The following SOX5 variants were observed in gnomAD, a reference collection of about 807,000 sequenced individuals.
SOX5 encodes SRY-box transcription factor 5.
A neutral mutation model predicts 92.0 loss-of-function variants in SOX5; 9 were observed. That is an observed-to-expected ratio of 0.10 (90% CI 0.06 to 0.17). The LOEUF is 0.17. SOX5 is among the 10% of genes least tolerant of loss of function. The probability of loss-of-function intolerance (pLI) is 1.00; values close to 1 mark genes in which losing one functional copy is unlikely to be tolerated. For synonymous variants in SOX5, 344 were observed against 336.3 expected (o/e 1.02, Z -0.25); for missense variants, 642 against 944.5 (o/e 0.68, Z 4.20).
intron 3 of SOX5, among the ~76,000 whole-genome samples, chr12:24,246,870 A>G (rs1193322904): frequency 2.6e-5 from 4 of 152,202 alleles, no homozygotes; most frequent in Admixed American, 2.0e-4. Flanking sequence ...ATAAAAAGAC[A>G]AGAGGTAAAT....
intron 2 of SOX5, among the ~76,000 whole-genome samples, chr12:24,315,649 GA>G (rs1233854225): frequency 4.7e-5 from 7 of 149,968 alleles, no homozygotes; most frequent in Non-Finnish European, 7.4e-5. Flanking sequence ...TCAAGAGTAA[GA>G]AAAAAAAATC....
At chr12:23,549,228 A>G (rs764810970) in intron 11 of SOX5, among the ~76,000 whole-genome samples, 1 of 152,056 alleles carries the variant, frequency 6.6e-6, no homozygotes, top group Non-Finnish European at 1.5e-5. Flanking sequence ...TCAGGTAAGC[A>G]GAGGGTTAAG....
intron 4 of SOX5, among the ~76,000 whole-genome samples, chr12:23,985,221 G>T (rs1248939325): frequency 6.8e-6 from 1 of 146,524 alleles, no homozygotes; most frequent in East Asian, 2.0e-4. Context: ...GGTTTTTATT[G>T]TATTTTTTTA....
chr12:24,417,468 A>G (rs1471820504), intron 1 of SOX5, among the ~76,000 whole-genome samples: 1 of 152,238 alleles, frequency 6.6e-6, no homozygotes, highest in Non-Finnish European at 1.5e-5. Context: ...AGATGATACC[A>G]TGAAAGATGG....
At chr12:23,974,106 A>C (rs1252080722) in intron 4 of SOX5, among the ~76,000 whole-genome samples, 1 of 152,200 alleles carries the variant, frequency 6.6e-6, no homozygotes, top group Non-Finnish European at 1.5e-5. Flanking sequence ...ACTAATAATA[A>C]AATAGAAAAA....
In SOX5 at chr12:24,435,020, CA is replaced by C. The variant is rs201912328; in HGVS notation, c.-250-66382del. On this transcript the variant is annotated intron_variant, in intron 1 of 4. Coordinates refer to the SOX5 transcript ENST00000446891. ...GAATGCCCTTTCCTTTTGGAGACTA[CA>C]TTGCAGATACTTTGACTGAAAACAA... is the stretch of plus-strand genomic sequence containing the variant. 4.6e-3 allele frequency among the ~76,000 whole-genome samples: 704 copies of C among 152,340 alleles called. 5 individuals carry two copies. The highest frequency in any genetic ancestry group is 0.017 in the African/African-American group (688 of 41,578).
chr12:23,581,141 A>G (rs182747499), intron 9 of SOX5, among the ~76,000 whole-genome samples: 2 of 152,148 alleles, frequency 1.3e-5, no homozygotes, highest in East Asian at 3.9e-4. Flanking sequence ...ATTCTTAGCA[A>G]TCCTGGGGTG....
chr12:24,387,011 G>GCAT lies in SOX5; in HGVS notation c.-250-18375_-250-18373dup, dbSNP rs144256252. 7.0e-3 allele frequency among the ~76,000 whole-genome samples: 1,070 copies of GCAT among 152,314 alleles called. 16 individuals carry two copies. The highest frequency in any genetic ancestry group is 0.024 in the African/African-American group (1,004 of 41,560). ...GGACATTGTCCACATTTGTAAATGA[G>GCAT]CATCTTCGTTTCTGTATTTTGGCAC... On this transcript the variant is annotated intron_variant, in intron 1 of 4. Coordinates refer to the SOX5 transcript ENST00000446891.
chr12:24,448,995 G>A (rs1173552330), intron 1 of SOX5, among the ~76,000 whole-genome samples: 4 of 151,876 alleles, frequency 2.6e-5, no homozygotes, highest in Admixed American at 6.6e-5. Context: ...GCTACACCCC[G>A]CTTCCATTTC....
intron 4 of SOX5, chr12:24,212,380 A>T (rs1279171689): frequency 3.8e-6 from 2 of 532,544 alleles, no homozygotes; most frequent in African/African-American, 3.9e-5. Flanking sequence ...AAGGACAAAG[A>T]CATTTATCTC....
intron 6 of SOX5, among the ~76,000 whole-genome samples, chr12:23,734,008 T>C (rs970248999): frequency 2.0e-5 from 3 of 152,178 alleles, no homozygotes; most frequent in Admixed American, 6.5e-5. Context: ...AGAAAGTAAA[T>C]TGTCAGAAGG....
intron 2 of SOX5, among the ~76,000 whole-genome samples, chr12:23,850,730 T>A (rs1426762414): frequency 6.6e-6 from 1 of 152,134 alleles, no homozygotes; most frequent in African/African-American, 2.4e-5. Context: ...ATTAAAATAA[T>A]TTTTCATAAA....
intron 8 of SOX5, among the ~76,000 whole-genome samples, chr12:23,619,653 G>A (rs1052349507): frequency 2.6e-5 from 4 of 152,126 alleles, no homozygotes; most frequent in Non-Finnish European, 4.4e-5. Flanking sequence ...GATAAAAAGC[G>A]ATAGTATTGG....
intron 2 of SOX5, among the ~76,000 whole-genome samples, chr12:24,296,930 GACACACACACACAC>G (rs34848004): frequency 1.4e-5 from 2 of 148,090 alleles, no homozygotes; most frequent in African/African-American, 2.5e-5. Context: ...TAGACAGACA[GACACACACACACAC>G]ACACACACAC....
At chr12:24,412,795 T>TTTTTG (rs1964345730) in intron 1 of SOX5, among the ~76,000 whole-genome samples, 1 of 150,976 alleles carries the variant, frequency 6.6e-6, no homozygotes, top group Non-Finnish European at 1.5e-5. Flanking sequence ...TTTTTTTTTT[T>TTTTTG]TTGAGAGGGA....
intron 1 of SOX5, among the ~76,000 whole-genome samples, chr12:24,381,476 A>G (rs1161254690): frequency 6.6e-6 from 1 of 152,210 alleles, no homozygotes; most frequent in Non-Finnish European, 1.5e-5. Context: ...GTGTGGATTA[A>G]TTAAATCACA....
At chr12:24,263,728 G>C (rs1484481637) in intron 3 of SOX5, among the ~76,000 whole-genome samples, 2 of 152,144 alleles carry the variant, frequency 1.3e-5, no homozygotes, top group Non-Finnish European at 2.9e-5. Flanking sequence ...CAAGTACTCA[G>C]TATATATGTA....
intron 4 of SOX5, among the ~76,000 whole-genome samples, chr12:23,983,683 A>G (rs1454788881): frequency 6.6e-6 from 1 of 151,744 alleles, no homozygotes; most frequent in African/African-American, 2.4e-5. Context: ...GTACATTCCA[A>G]TTTATGAAAA....
Position 24,166,286 on chromosome 12 carries a change from C to T in SOX5, c.-2+47057G>A, listed in dbSNP as rs145859518. 3.0e-3 allele frequency among the ~76,000 whole-genome samples: 459 copies of T among 152,192 alleles called. 3 individuals carry two copies. The highest frequency in any genetic ancestry group is 3.5e-3 in the Non-Finnish European group (236 of 68,000). ...GTGTGGAATCATGAATTGTTTGAGA[C>T]ATGCTATGTTTGAGTTGTCTGCGAG... On this transcript the variant is annotated intron_variant, in intron 4 of 4. Coordinates refer to the SOX5 transcript ENST00000446891.
Sources: gnomAD v4.1 joint callset for allele counts (sites outside exome capture counted in the v4.1 genomes callset) on GRCh38, gnomAD v4.1.1 for gene constraint, MANE v1.5 for transcripts, NCBI Gene and HGNC (gene_info 2026-07-23, HGNC 2026-07-21) for gene names.